NAA11: variants seen among roughly 807,000 people sequenced by gnomAD.
NAA11 encodes N-alpha-acetyltransferase 11, NatA catalytic subunit, also known as N-alpha-acetyltransferase 11.
In NAA11, 15 loss-of-function variants were observed where a neutral mutation model predicts 16.1. The ratio of observed to expected loss-of-function variants is 0.93; its 90% confidence interval spans 0.62 to 1.44. The LOEUF (loss-of-function observed/expected upper bound fraction) is 1.44, where lower values mean the gene tolerates loss of function less well. NAA11 is among the 40% of genes most tolerant of loss of function. The pLI is 0.00. For missense variants in NAA11, 298 were observed against 291.3 expected (o/e 1.02, Z -0.17); for synonymous variants, 122 against 112.4 (o/e 1.09, Z -0.54).
chr4:79,295,962 T>C (rs1259512320), intron 1 of NAA11, among the ~76,000 whole-genome samples: 1 of 152,198 alleles, frequency 6.6e-6, no homozygotes, highest in East Asian at 1.9e-4. Context: ...CCTGTCTAGT[T>C]GTTTATATTC....
the NAA11 span, among the ~76,000 whole-genome samples, chr4:79,164,978 T>A: frequency 6.6e-6 from 1 of 152,202 alleles, no homozygotes; most frequent in African/African-American, 2.4e-5. Flanking sequence ...ATTGTGTGCT[T>A]GCACAGGCAC....
intron 2 of NAA11, among the ~76,000 whole-genome samples, chr4:79,275,699 T>C (rs1285970614): frequency 2.0e-5 from 3 of 152,078 alleles, no homozygotes; most frequent in Non-Finnish European, 4.4e-5. Context: ...TGTGCACAGA[T>C]CTAGGGCAAG....
At chr4:79,281,309 G>T (rs1464713218) in intron 2 of NAA11, among the ~76,000 whole-genome samples, 1 of 150,968 alleles carries the variant, frequency 6.6e-6, no homozygotes, top group Non-Finnish European at 1.5e-5. Flanking sequence ...AGACAGTAAA[G>T]AATCCAACTG....
At chr4:79,200,981 A>G in the NAA11 span, among the ~76,000 whole-genome samples, 1 of 151,678 alleles carries the variant, frequency 6.6e-6, no homozygotes, top group Non-Finnish European at 1.5e-5. Flanking sequence ...ATGTATGTAT[A>G]TACAATTTTA....
chr4:79,287,362 C>G (rs1466526721), intron 2 of NAA11, among the ~76,000 whole-genome samples: 2 of 152,086 alleles, frequency 1.3e-5, no homozygotes, highest in African/African-American at 2.4e-5. Flanking sequence ...ATCATAACAT[C>G]ATAAATAGTG....
the NAA11 span, among the ~76,000 whole-genome samples, chr4:79,185,444 A>G: frequency 6.6e-6 from 1 of 152,212 alleles, no homozygotes. Context: ...GAAGGCAGCC[A>G]AAGTGGCACT....
At chr4:79,322,918 G>A (rs1724139465) in intron 1 of NAA11, among the ~76,000 whole-genome samples, 1 of 152,004 alleles carries the variant, frequency 6.6e-6, no homozygotes, top group Non-Finnish European at 1.5e-5. Flanking sequence ...ATAACATACT[G>A]AACTGTAACT....
Position 79,326,060 on chromosome 4 carries a change from C to G in NAA11, c.-183G>C. On this transcript the variant is annotated 5_prime_UTR_variant, in exon 1 of 2. Transcript: ENST00000286794. ...AGGAGATGGAAAAGATGGTGCCAAACTGCGGCTTTCAGAAGTGCGTCACTG... is the reference window on the plus strand; with the variant it reads ...AGGAGATGGAAAAGATGGTGCCAAAGTGCGGCTTTCAGAAGTGCGTCACTG... The G allele has an allele frequency of 1.7e-6, 1 of 604,390 alleles. No homozygotes were observed. The highest frequency in any genetic ancestry group is 3.0e-6 in the Non-Finnish European group (1 of 337,578). 37.4% of individuals were successfully genotyped at this position (604,390 alleles called of 1,614,324 possible).
the NAA11 span, among the ~76,000 whole-genome samples, chr4:79,172,525 CA>C: frequency 6.6e-6 from 1 of 152,006 alleles, no homozygotes; most frequent in South Asian, 2.1e-4. Context: ...GTTGTTTGCA[CA>C]GATGAGTTTT....
At chr4:79,209,788 A>T in the NAA11 span, among the ~76,000 whole-genome samples, 1 of 152,034 alleles carries the variant, frequency 6.6e-6, no homozygotes, top group African/African-American at 2.4e-5. Flanking sequence ...GCTCGCATGT[A>T]TAATCCCAAT....
At chr4:79,247,148 C>A (rs545959629) in intron 2 of NAA11, among the ~76,000 whole-genome samples, 80 of 152,160 alleles carry the variant, frequency 5.3e-4, no homozygotes, top group African/African-American at 1.9e-3. Context: ...GATGGCAGGG[C>A]TGGAGGGATT....
chr4:79,267,827 G>A (rs144969094), intron 2 of NAA11, among the ~76,000 whole-genome samples: 46 of 152,140 alleles, frequency 3.0e-4, no homozygotes, highest in African/African-American at 1.1e-3. Flanking sequence ...GGGAGCTGAC[G>A]TTTGCATTGC....
At chr4:79,234,599 C>T (rs1721531817) in intron 2 of NAA11, among the ~76,000 whole-genome samples, 1 of 152,054 alleles carries the variant, frequency 6.6e-6, no homozygotes, top group Non-Finnish European at 1.5e-5. Context: ...TATTCCAAAG[C>T]ATTGCTATTA....
At chr4:79,206,554 A>G in the NAA11 span, among the ~76,000 whole-genome samples, 126,468 of 151,696 alleles carry the variant, frequency 0.83, 53,945 homozygotes, top group Non-Finnish European at 0.92. Flanking sequence ...ACTAGTCCAA[A>G]TAAGCATTAG....
At chr4:79,310,451 T>C (rs949123031) in intron 1 of NAA11, among the ~76,000 whole-genome samples, 2 of 152,218 alleles carry the variant, frequency 1.3e-5, no homozygotes, top group African/African-American at 4.8e-5. Context: ...ATTAAGACTT[T>C]AGAATTGCTG....
chr4:79,181,716 T>A, the NAA11 span, among the ~76,000 whole-genome samples: 1 of 152,236 alleles, frequency 6.6e-6, no homozygotes, highest in Non-Finnish European at 1.5e-5. Flanking sequence ...TTGCTTTGCC[T>A]GCTTTTGAAA....
chr4:79,192,470 C>T, the NAA11 span, among the ~76,000 whole-genome samples: 22 of 147,354 alleles, frequency 1.5e-4, no homozygotes, highest in East Asian at 1.8e-3. Context: ...TGAGTGAGAA[C>T]ATGCGGTGTT....
intron 1 of NAA11, among the ~76,000 whole-genome samples, chr4:79,309,489 A>C (rs1282527517): frequency 6.6e-6 from 1 of 152,154 alleles, no homozygotes; most frequent in African/African-American, 2.4e-5. Context: ...GGTAAAACAC[A>C]TCTTGATTAA....
downstream of NAA11, among the ~76,000 whole-genome samples, chr4:79,311,657 T>C (rs1313544859): frequency 6.6e-6 from 1 of 152,206 alleles, no homozygotes; most frequent in Non-Finnish European, 1.5e-5. Flanking sequence ...ACTCTAGGTA[T>C]AATCTAGAGT....
Sources: allele counts gnomAD v4.1 joint callset (sites outside exome capture counted in the v4.1 genomes callset), GRCh38; gene constraint gnomAD v4.1.1; transcripts MANE v1.5; gene names NCBI Gene and HGNC (gene_info 2026-07-23, HGNC 2026-07-21).